The following P4HA2 variants were observed in gnomAD, a reference collection of about 807,000 sequenced individuals.
The protein encoded by P4HA2 is prolyl 4-hydroxylase subunit alpha 2, also known as prolyl 4-hydroxylase subunit alpha-2.
P4HA2 carries 46 observed loss-of-function variants against 76.9 expected under a neutral mutation model. That is an observed-to-expected ratio of 0.60 (90% CI 0.47 to 0.76). The LOEUF (loss-of-function observed/expected upper bound fraction) is 0.76, where lower values mean the gene tolerates loss of function less well. Among genes scored for constraint, P4HA2 ranks in the 30% least tolerant of loss-of-function variants. P4HA2 has a pLI of 0.00. For synonymous variants in P4HA2, 243 were observed against 254.0 expected, an observed-to-expected ratio of 0.96 and a Z score of 0.41; for missense variants, 583 against 669.4, an observed-to-expected ratio of 0.87 and a Z score of 1.42.
At chr5:132,223,128 T>A in intron 1 of P4HA2, among the ~76,000 whole-genome samples, 1 of 152,208 alleles carries the variant, frequency 6.6e-6, no homozygotes, top group East Asian at 1.9e-4. Flanking sequence ...CCTCTCACTA[T>A]CTCCAGACTC....
In P4HA2 at chr5:132,203,728, G is replaced by A; in HGVS notation, c.1251+20C>T. ...AAATACCCACTTCCCAACTCCTACA[G>A]TCCCAGGTACTATCTGTACCTGTAA... On this transcript the variant is annotated intron_variant, in intron 10 of 14. Coordinates refer to ENST00000360568, the MANE Select transcript of P4HA2 (RefSeq NM_001017974.2). The A allele has an allele frequency of 6.7e-7, 1 of 1,492,062 alleles. No homozygotes were observed. The highest frequency in any genetic ancestry group is 9.4e-7 in the Non-Finnish European group (1 of 1,068,998). The allele number at this position is 1,492,062 out of a possible 1,614,324, so 92.4% of individuals were successfully genotyped here. A position where few individuals can be genotyped will look rare whatever the true frequency, so the allele number is the denominator to read the frequency against.
intron 10 of P4HA2, chr5:132,200,341 G>A (rs140457099): frequency 1.3e-5 from 2 of 153,322 alleles, no homozygotes; most frequent in East Asian, 3.9e-4. Context: ...ACAAAGCATG[G>A]ATGAAAACAT....
In P4HA2 at chr5:132,190,574, T is replaced by C. The variant is rs1749815273; in HGVS notation, c.*2436A>G. On this transcript the variant is annotated 3_prime_UTR_variant, in exon 15 of 15. Transcript: ENST00000360568. ...ATTAAAAGTAGAACTTTACACTTCA[T>C]ACCACGTATAAAGATAAACCTAAAT... 6.6e-6 allele frequency among the ~76,000 whole-genome samples: 1 copy of C among 152,234 alleles called. No homozygotes were observed. Among genetic ancestry groups the C allele is most frequent in the African/African-American group, 2.4e-5 (1 of 41,464 alleles).
In P4HA2 at chr5:132,209,207, C is replaced by A; in HGVS notation, c.834G>T (p.Glu278Asp). The change falls in exon 7 of 15, where the codon GAG becomes GAT. Residue 278 changes from glutamate to aspartate, a missense_variant. Coordinates refer to ENST00000360568, the MANE Select transcript of P4HA2 (RefSeq NM_001017974.2). ...AELATPEGIY[E>D]RPVDYLPERD... ...TCTCAGGCAGGTAGTCCACAGGCCT[C>A]TCATAGATGCCTTCTGGGGTTGCTA... The A allele has an allele frequency of 6.2e-7, 1 of 1,614,054 alleles. No individual in the cohort carries two copies. Among genetic ancestry groups the A allele is most frequent in the Non-Finnish European group, 8.5e-7 (1 of 1,179,960 alleles).
At chr5:132,208,561 G>A (rs777263115) in intron 7 of P4HA2, among the ~76,000 whole-genome samples, 4 of 151,782 alleles carry the variant, frequency 2.6e-5, no homozygotes, top group Middle Eastern at 3.4e-3. Context: ...CAAGTCCCAT[G>A]GCAGAAAGTA....
intron 4 of P4HA2, among the ~76,000 whole-genome samples, chr5:132,214,707 C>T (rs2126607965): frequency 6.6e-6 from 1 of 152,128 alleles, no homozygotes; most frequent in Middle Eastern, 3.4e-3. Context: ...GGTGGGGTTG[C>T]ACCAACCCAG....
chr5:132,211,536 C>A (rs190217622), intron 5 of P4HA2, among the ~76,000 whole-genome samples: 1 of 152,208 alleles, frequency 6.6e-6, no homozygotes, highest in Admixed American at 6.5e-5. Flanking sequence ...GGTCTGCTAA[C>A]CCCGGTGGCT....
Position 132,207,710 on chromosome 5 carries a change from T to C in P4HA2, c.1078A>G (p.Lys360Glu). ...IERIKEIAKP[K>E]LARATVRDPK... The stretch of plus-strand genomic sequence containing the variant: ...GAAGGACCTACAGTGACACCTACTT[T>C]AGGTTTTGCGATCTCCTTGATCCTC... Residue 360 changes from lysine (K) to glutamate (E), a missense_variant and splice_region_variant, in exon 8 of 15, where the codon AAA becomes GAA. Transcript: ENST00000360568. 2 of 1,613,448 alleles carry C rather than the reference T, an allele frequency of 1.2e-6. No individual in the cohort carries two copies. The highest frequency in any genetic ancestry group is 3.3e-5 in the Admixed American group (2 of 60,000).
In P4HA2 at chr5:132,207,948, T is replaced by A. The variant is rs914769066; in HGVS notation, c.904-64A>T. The A allele has an allele frequency of 7.5e-6, 10 of 1,329,118 alleles. No individual in the cohort carries two copies. In the African/African-American group the frequency reaches 1.5e-4, roughly 20 times the overall value. 82.3% of individuals were successfully genotyped at this position (1,329,118 alleles called of 1,614,324 possible). A position where few individuals can be genotyped will look rare whatever the true frequency, so the allele number is the denominator to read the frequency against. ...TCCTAATCCTCGGTCCCAGTCTGGCTGTCTGCAGACACTGGACTCACCTCA... is the reference window on the plus strand; with the variant it reads ...TCCTAATCCTCGGTCCCAGTCTGGCAGTCTGCAGACACTGGACTCACCTCA... On this transcript the variant is annotated intron_variant, in intron 7 of 14. Coordinates refer to ENST00000360568, the MANE Select transcript of P4HA2 (RefSeq NM_001017974.2).
chr5:132,209,294 G>A lies in P4HA2; in HGVS notation c.747C>T (p.Tyr249=). 6.2e-7 allele frequency: 1 copy of A among 1,614,068 alleles called. No individual in the cohort carries two copies. Among genetic ancestry groups the A allele is most frequent in the Non-Finnish European group, 8.5e-7 (1 of 1,179,980 alleles). Residue 249 remains tyrosine, a synonymous_variant, in exon 7 of 15, where the codon TAC becomes TAT. Coordinates refer to ENST00000360568, the MANE Select transcript of P4HA2 (RefSeq NM_001017974.2). ...SHERAGGNLR[Y]FEQLLEEERE... ...TCTCTTCCTCCAATAACTGCTCAAA[G>A]TACCGCAGATTCCCTCCAGCTCGTT...
At chr5:132,196,816 G>A (rs1750701954) in intron 12 of P4HA2, among the ~76,000 whole-genome samples, 1 of 147,126 alleles carries the variant, frequency 6.8e-6, no homozygotes, top group Non-Finnish European at 1.5e-5. Context: ...AGCTGAGATA[G>A]CGCCACTGCA....
rs199506325 is a variant in P4HA2 at position 132,217,843 on chromosome 5, T to C, written c.88A>G (p.Met30Val). The C allele has an allele frequency of 1.4e-5, 23 of 1,602,668 alleles. No individual in the cohort carries two copies. The highest frequency in any genetic ancestry group is 1.7e-5 in the Admixed American group (1 of 59,622). ...QAEFFTSIGHMTDLIYAEKEL... is the reference protein window; with the variant it reads ...QAEFFTSIGHVTDLIYAEKEL... ...TTCTCTGCATAAATCAGGTCAGTCA[T>C]GTGCCCTGCAAGGGAGAGAAGAAAG... The change falls in exon 3 of 15, where the codon ATG becomes GTG. Residue 30 changes from methionine (M) to valine (V), a missense_variant. By Grantham distance (21) the Met-to-Val change is conservative. Transcript: ENST00000360568.
At position 132,192,634 on chromosome 5, in the gene P4HA2, T is replaced by C. The variant is rs1035386311; in HGVS notation, c.*376A>G. The C allele has an allele frequency of 5.8e-6, 1 of 171,496 alleles. No individual in the cohort carries two copies. The highest frequency in any genetic ancestry group is 6.3e-5 in the Admixed American group (1 of 15,910). The allele number at this position is 171,496 out of a possible 1,614,324, so 10.6% of individuals were successfully genotyped here. A position where few individuals can be genotyped will look rare whatever the true frequency, so the allele number is the denominator to read the frequency against. On this transcript the variant is annotated 3_prime_UTR_variant, in exon 15 of 15. Coordinates refer to ENST00000360568, the MANE Select transcript of P4HA2 (RefSeq NM_001017974.2). ...CTTTAAGGCTTCTGGTAGGGACATT[T>C]TATTTTTTGGTAAAGCCACAATAGA...
chr5:132,225,998 C>A (rs768484952), intron 1 of P4HA2, among the ~76,000 whole-genome samples: 2 of 152,038 alleles, frequency 1.3e-5, no homozygotes, highest in African/African-American at 2.4e-5. Context: ...AACAAGGAGG[C>A]CCTAAAAGAA....
At chr5:132,227,682 C>G (rs1197381551) in intron 1 of P4HA2, 108 bp downstream of exon 1, 2 of 152,834 alleles carry the variant, frequency 1.3e-5, no homozygotes, top group Non-Finnish European at 2.9e-5. Context: ...GGATCCGGCC[C>G]CGGCCCCTAA....
intron 8 of P4HA2, 79 bp from the exon 9 acceptor site, chr5:132,204,231 G>T: frequency 8.6e-7 from 1 of 1,164,428 alleles, no homozygotes; most frequent in Non-Finnish European, 1.3e-6. Context: ...GAGAGCACTG[G>T]GACCAGATTT....
intron 12 of P4HA2, chr5:132,197,964 A>G (rs1750915923): frequency 4.8e-5 from 47 of 980,646 alleles, no homozygotes; most frequent in Non-Finnish European, 5.7e-5. Context: ...GTTTTATCAC[A>G]ATTTTAAACA....
intron 8 of P4HA2, among the ~76,000 whole-genome samples, chr5:132,204,445 C>T (rs1026754515): frequency 1.3e-5 from 2 of 152,220 alleles, no homozygotes; most frequent in Non-Finnish European, 2.9e-5. Flanking sequence ...GCCTTGTCTA[C>T]CCATGCATCT....
intron 14 of P4HA2, among the ~76,000 whole-genome samples, chr5:132,194,427 T>C (rs1033323676): frequency 6.7e-6 from 1 of 150,272 alleles, no homozygotes; most frequent in South Asian, 2.1e-4. Flanking sequence ...GCTCCCAGGA[T>C]AAGGCTCAAG....
Sources: gnomAD v4.1 joint callset for allele counts (sites outside exome capture counted in the v4.1 genomes callset) on GRCh38, gnomAD v4.1.1 for gene constraint, MANE v1.5 for transcripts, NCBI Gene and HGNC (gene_info 2026-07-23, HGNC 2026-07-21) for gene names.